TNIK: variants seen among roughly 807,000 people sequenced by gnomAD.
TNIK encodes the protein TRAF2 and NCK interacting kinase.
In TNIK, 49 loss-of-function variants were observed where a neutral mutation model predicts 191.3. That is an observed-to-expected ratio of 0.26 (90% confidence interval 0.20 to 0.32). The LOEUF is 0.32. Ranked by LOEUF, TNIK falls within the 10% of genes least tolerant of loss-of-function variation. TNIK has a pLI of 1.00. For missense variants in TNIK, 1,155 were observed against 1,702.3 expected (o/e 0.68, Z 5.66); for synonymous variants, 594 against 600.9 (o/e 0.99, Z 0.17).
chr3:171,150,904 C>T (rs1732349985), intron 12 of TNIK, among the ~76,000 whole-genome samples: 1 of 152,152 alleles, frequency 6.6e-6, no homozygotes, highest in Non-Finnish European at 1.5e-5. Context: ...TTAAGGAAGA[C>T]AGGGAATGGG....
intron 15 of TNIK, among the ~76,000 whole-genome samples, chr3:171,130,054 A>T (rs1050073492): frequency 3.9e-5 from 6 of 152,202 alleles, no homozygotes; most frequent in Admixed American, 3.3e-4. Context: ...CTCACTGAGC[A>T]TTTTAAGAAC....
intron 2 of TNIK, among the ~76,000 whole-genome samples, chr3:171,334,682 CAT>C (rs934326162): frequency 6.6e-6 from 1 of 152,164 alleles, no homozygotes; most frequent in Admixed American, 6.5e-5. Context: ...AAAAAAGACT[CAT>C]GAAGTCTTGA....
chr3:171,217,319 T>A (rs955253982), intron 3 of TNIK, among the ~76,000 whole-genome samples: 2 of 152,122 alleles, frequency 1.3e-5, no homozygotes, highest in African/African-American at 2.4e-5. Flanking sequence ...ATCCTGCATG[T>A]TCTCACTTAT....
chr3:171,344,913 C>T (rs910787084), intron 2 of TNIK, among the ~76,000 whole-genome samples: 1 of 152,048 alleles, frequency 6.6e-6, no homozygotes, highest in Non-Finnish European at 1.5e-5. Context: ...TTAGGAGCTG[C>T]CGAGATTAAT....
intron 2 of TNIK, among the ~76,000 whole-genome samples, chr3:171,365,461 C>T (rs931911312): frequency 1.3e-5 from 2 of 151,874 alleles, no homozygotes; most frequent in Admixed American, 6.6e-5. Context: ...GGATTACAGG[C>T]GTGAGCCACC....
At chr3:171,157,749 A>T in intron 11 of TNIK, 85 bp from the exon 12 acceptor site, 2 of 1,346,762 alleles carry the variant, frequency 1.5e-6, no homozygotes, top group Non-Finnish European at 2.1e-6. Context: ...AAGCGGGACA[A>T]ATGATTCACC....
intron 3 of TNIK, among the ~76,000 whole-genome samples, chr3:171,219,315 T>C (rs1319658278): frequency 6.9e-6 from 1 of 145,048 alleles, no homozygotes. Context: ...TATATAATGA[T>C]GTGTATATAT....
At chr3:171,321,236 A>T (rs1755135555) in intron 2 of TNIK, among the ~76,000 whole-genome samples, 1 of 152,180 alleles carries the variant, frequency 6.6e-6, no homozygotes, top group Admixed American at 6.5e-5. Context: ...GAAATTCAAG[A>T]CATGTAATCA....
chr3:171,405,508 TA>T (rs10635709), intron 1 of TNIK, among the ~76,000 whole-genome samples: 25,049 of 144,316 alleles, frequency 0.17, 2,330 homozygotes, highest in Middle Eastern at 0.27. Context: ...CCAAATCTGG[TA>T]AAAAAAAAAA....
intron 18 of TNIK, among the ~76,000 whole-genome samples, chr3:171,118,637 T>C (rs1160403605): frequency 2.0e-5 from 3 of 152,166 alleles, no homozygotes; most frequent in Non-Finnish European, 4.4e-5. Flanking sequence ...TGATGCCACA[T>C]ATCTATAACT....
At chr3:171,078,769 C>A (rs1395361025) in intron 28 of TNIK, among the ~76,000 whole-genome samples, 12 of 152,080 alleles carry the variant, frequency 7.9e-5, no homozygotes, top group Non-Finnish European at 1.0e-4. Flanking sequence ...TTCTTTCTGG[C>A]CATTTAGTTT....
intron 2 of TNIK, among the ~76,000 whole-genome samples, chr3:171,319,909 GGTCA>G (rs1338488109): frequency 6.6e-6 from 1 of 152,084 alleles, no homozygotes; most frequent in Non-Finnish European, 1.5e-5. Flanking sequence ...TTACAGGAAG[GGTCA>G]GTCTCTAAAC....
rs189562522 is a variant in TNIK at position 171,445,283 on chromosome 3, G to T, written c.57+14724C>A. ...AAAATACAAAAATCAGTCAGGTATGGTGGCACATGCCTGTAGTACTTGCTA... is the reference window on the plus strand; with the variant it reads ...AAAATACAAAAATCAGTCAGGTATGTTGGCACATGCCTGTAGTACTTGCTA... On this transcript the variant is annotated intron_variant, in intron 1 of 32. Coordinates refer to ENST00000436636, the MANE Select transcript of TNIK (RefSeq NM_015028.4). 3.1e-4 allele frequency among the ~76,000 whole-genome samples: 47 copies of T among 152,078 alleles called. No individual in the cohort carries two copies. The East Asian group carries it at 8.4e-3, about 27-fold the overall frequency.
intron 12 of TNIK, 124 bp downstream of exon 12, chr3:171,157,336 G>A: frequency 1.3e-5 from 16 of 1,215,372 alleles, no homozygotes; most frequent in Non-Finnish European, 1.8e-5. Context: ...TGCCCTTGCA[G>A]TCAACCCCTT....
intron 25 of TNIK, 34 bp from the exon 26 acceptor site, chr3:171,084,359 T>C (rs1242628389): frequency 6.3e-7 from 1 of 1,595,726 alleles, no homozygotes; most frequent in Non-Finnish European, 8.6e-7. Context: ...GTCAGTGACA[T>C]CTTAAAAGAT....
At chr3:171,096,600 G>A (rs1472097883) in intron 22 of TNIK, among the ~76,000 whole-genome samples, 1 of 151,996 alleles carries the variant, frequency 6.6e-6, no homozygotes, top group African/African-American at 2.4e-5. Context: ...TCTTTACCTG[G>A]AAGATTCTTT....
chr3:171,295,028 G>GA (rs1439969973), intron 2 of TNIK, among the ~76,000 whole-genome samples: 6 of 109,618 alleles, frequency 5.5e-5, no homozygotes, highest in South Asian at 5.6e-4. Flanking sequence ...AGAGAGAGAG[G>GA]AAAAAAAAAG....
At position 171,421,416 on chromosome 3, in the gene TNIK, G is replaced by A. The variant is rs190847121; in HGVS notation, c.57+38591C>T. Among the ~76,000 whole-genome samples, 5 of 152,202 alleles carry A rather than the reference G, an allele frequency of 3.3e-5. No individual in the cohort carries two copies. The East Asian group carries it at 5.8e-4, about 18-fold the overall frequency. On this transcript the variant is annotated intron_variant, in intron 1 of 32. Transcript: ENST00000436636. ...TACCAGCTTATCCTCTAGAATTCAC[G>A]CCCCTCTTTCCATAGCCCCTTCATG... is the stretch of plus-strand genomic sequence containing the variant.
intron 1 of TNIK, among the ~76,000 whole-genome samples, chr3:171,426,789 G>A (rs1724694417): frequency 6.6e-6 from 1 of 152,106 alleles, no homozygotes; most frequent in South Asian, 2.1e-4. Flanking sequence ...GTCTCCTGAA[G>A]TCCAGCCTTA....
Sources: gnomAD v4.1 joint callset for allele counts (sites outside exome capture counted in the v4.1 genomes callset) on GRCh38, gnomAD v4.1.1 for gene constraint, MANE v1.5 for transcripts, NCBI Gene and HGNC (gene_info 2026-07-23, HGNC 2026-07-21) for gene names.